The following TMEM45B variants were observed in gnomAD, a reference collection of about 807,000 sequenced individuals.
The protein encoded by TMEM45B is transmembrane protein 45B.
A neutral mutation model predicts 27.3 loss-of-function variants in TMEM45B; 29 were observed. That is an observed-to-expected ratio of 1.06 (90% CI 0.79 to 1.45). TMEM45B has a LOEUF of 1.45. Ranked by LOEUF, TMEM45B falls within the 40% of genes most tolerant of loss-of-function variation. TMEM45B has a pLI of 0.00. For missense variants in TMEM45B, 348 were observed against 343.9 expected (o/e 1.01, Z -0.09); for synonymous variants, 143 against 134.7 (o/e 1.06, Z -0.43).
At chr11:129,856,667 C>T (rs1406547638) in intron 4 of TMEM45B, among the ~76,000 whole-genome samples, 1 of 147,396 alleles carries the variant, frequency 6.8e-6, no homozygotes, top group Non-Finnish European at 1.5e-5. Flanking sequence ...TCACGCCATT[C>T]TCCTGCCTCA....
At chr11:129,837,916 G>A (rs1440454751) in intron 1 of TMEM45B, among the ~76,000 whole-genome samples, 2 of 151,094 alleles carry the variant, frequency 1.3e-5, no homozygotes, top group Non-Finnish European at 2.9e-5. Context: ...CGATTAGCTG[G>A]GACTACAGGT....
chr11:129,825,626 G>A (rs1257710601), intron 1 of TMEM45B, among the ~76,000 whole-genome samples: 1 of 121,864 alleles, frequency 8.2e-6, no homozygotes, highest in Admixed American at 8.4e-5. Flanking sequence ...AAGAGGAAAC[G>A]GAAGTAAGGG....
intron 1 of TMEM45B, among the ~76,000 whole-genome samples, chr11:129,824,743 T>C (rs922030900): frequency 5.3e-4 from 81 of 152,266 alleles, no homozygotes; most frequent in Non-Finnish European, 5.9e-5. Context: ...CATATGTCAC[T>C]ATATAATTTT....
At chr11:129,848,039 A>G (rs1231267852) in intron 1 of TMEM45B, among the ~76,000 whole-genome samples, 6 of 149,340 alleles carry the variant, frequency 4.0e-5, no homozygotes, top group Admixed American at 1.3e-4. Context: ...CAGACTGGGC[A>G]GCCAGGCAGA....
chr11:129,833,482 A>G (rs1297978615), intron 1 of TMEM45B, among the ~76,000 whole-genome samples: 1 of 151,902 alleles, frequency 6.6e-6, no homozygotes, highest in African/African-American at 2.4e-5. Context: ...TCCTTATAAG[A>G]GGAACTTTAG....
intron 2 of TMEM45B, 40 bp downstream of exon 2, chr11:129,852,700 C>A (rs752227611): frequency 1.3e-6 from 2 of 1,565,262 alleles, no homozygotes; most frequent in Non-Finnish European, 1.7e-6. Flanking sequence ...ATCTCCTCAT[C>A]ATACCCAGAA....
chr11:129,845,580 A>T (rs1007602971), intron 1 of TMEM45B, among the ~76,000 whole-genome samples: 1 of 152,204 alleles, frequency 6.6e-6, no homozygotes, highest in African/African-American at 2.4e-5. Flanking sequence ...TACTTGTTAG[A>T]CATAAATGAC....
chr11:129,837,370 C>G (rs985325771), intron 1 of TMEM45B, among the ~76,000 whole-genome samples: 1 of 151,928 alleles, frequency 6.6e-6, no homozygotes, highest in African/African-American at 2.4e-5. Context: ...ACTGCAACCT[C>G]TGCCTCCCGG....
intron 1 of TMEM45B, among the ~76,000 whole-genome samples, chr11:129,816,531 G>A (rs928528007): frequency 6.6e-6 from 1 of 152,098 alleles, no homozygotes; most frequent in African/African-American, 2.4e-5. Context: ...GGATGGAAGC[G>A]GATGTCAGGC....
chr11:129,832,432 A>G (rs1254352926), intron 1 of TMEM45B, among the ~76,000 whole-genome samples: 8 of 152,176 alleles, frequency 5.3e-5, no homozygotes, highest in African/African-American at 1.9e-4. Flanking sequence ...TCTTGAAAAC[A>G]TTATGCTGAG....
intron 1 of TMEM45B, among the ~76,000 whole-genome samples, chr11:129,849,350 G>C (rs545585553): frequency 6.6e-6 from 1 of 152,322 alleles, no homozygotes; most frequent in East Asian, 1.9e-4. Context: ...CAGGTCTCAA[G>C]TGAGTCCAAA....
intron 1 of TMEM45B, among the ~76,000 whole-genome samples, chr11:129,830,993 T>A (rs1032906365): frequency 1.3e-5 from 2 of 152,198 alleles, no homozygotes; most frequent in African/African-American, 4.8e-5. Flanking sequence ...AGACCCCCAG[T>A]GGATGCTAAA....
intron 1 of TMEM45B, among the ~76,000 whole-genome samples, chr11:129,818,888 T>G (rs1464343937): frequency 6.6e-6 from 1 of 152,250 alleles, no homozygotes; most frequent in African/African-American, 2.4e-5. Context: ...TCCCCAAATC[T>G]ACTTCATTGG....
chr11:129,818,808 G>A (rs761504463), intron 1 of TMEM45B, among the ~76,000 whole-genome samples: 23 of 152,170 alleles, frequency 1.5e-4, no homozygotes, highest in Non-Finnish European at 3.2e-4. Context: ...AGATTGTCAA[G>A]TCCAATCTTG....
intron 1 of TMEM45B, among the ~76,000 whole-genome samples, chr11:129,847,404 G>GTTATTTTTTTTT (rs60997631): frequency 7.2e-4 from 106 of 147,966 alleles, no homozygotes; most frequent in African/African-American, 2.4e-3. Context: ...AGCTTATGAA[G>GTTATTTTTTTTT]TTATTTTTTT....
At chr11:129,852,859 A>T (rs1947867850) in intron 2 of TMEM45B, 199 bp downstream of exon 2, 3 of 455,020 alleles carry the variant, frequency 6.6e-6, no homozygotes, top group African/African-American at 2.0e-5. Context: ...CAGCTCTCAC[A>T]TCATGGGACA....
intron 1 of TMEM45B, among the ~76,000 whole-genome samples, chr11:129,826,044 C>A (rs189610854): frequency 1.3e-4 from 20 of 151,562 alleles, no homozygotes; most frequent in Admixed American, 5.9e-4. Flanking sequence ...CAGAGATGTC[C>A]TTTCACTCTA....
At chr11:129,840,190 A>G (rs188561873) in intron 1 of TMEM45B, among the ~76,000 whole-genome samples, 66 of 152,350 alleles carry the variant, frequency 4.3e-4, no homozygotes, top group Admixed American at 7.2e-4. Flanking sequence ...TGTTATTGGA[A>G]GAAATATAGC....
intron 1 of TMEM45B, among the ~76,000 whole-genome samples, chr11:129,821,085 G>A (rs1370134563): frequency 2.0e-5 from 3 of 152,090 alleles, no homozygotes; most frequent in Admixed American, 2.0e-4. Context: ...AATGTTTGGT[G>A]TATATATTAT....
Sources: allele counts gnomAD v4.1 joint callset (sites outside exome capture counted in the v4.1 genomes callset), GRCh38; gene constraint gnomAD v4.1.1; transcripts MANE v1.5; gene names NCBI Gene and HGNC (gene_info 2026-07-23, HGNC 2026-07-21).